MAP3K13: variants seen among roughly 807,000 people sequenced by gnomAD.
MAP3K13 encodes mitogen-activated protein kinase kinase kinase 13.
MAP3K13 carries 52 observed loss-of-function variants against 104.0 expected under a neutral mutation model. That is an observed-to-expected ratio of 0.50 (90% CI 0.40 to 0.63). The LOEUF is 0.63. Ranked by LOEUF, MAP3K13 falls within the 20% of genes least tolerant of loss-of-function variation. The pLI, the probability that MAP3K13 is intolerant of heterozygous loss-of-function variation, is 0.00. For synonymous variants in MAP3K13, 394 were observed against 442.2 expected (o/e 0.89, Z 1.37); for missense variants, 914 against 1,218.5 (o/e 0.75, Z 3.72).
chr3:185,395,353 A>ATGTCTTTTTTTTTTTT (rs1560083056), intron 1 of MAP3K13, among the ~76,000 whole-genome samples: 1 of 18,512 alleles, frequency 5.4e-5, no homozygotes, highest in African/African-American at 1.8e-4. Flanking sequence ...ATTCAATATT[A>ATGTCTTTTTTTTTTTT]TTTCTTTTTT....
chr3:185,391,385 T>G (rs1361929906), intron 1 of MAP3K13, among the ~76,000 whole-genome samples: 3 of 152,244 alleles, frequency 2.0e-5, no homozygotes, highest in Non-Finnish European at 4.4e-5. Flanking sequence ...TTATCCATAT[T>G]GTAGCATGTG....
intron 1 of MAP3K13, among the ~76,000 whole-genome samples, chr3:185,374,356 G>A (rs976987622): frequency 1.3e-5 from 2 of 152,152 alleles, no homozygotes; most frequent in Admixed American, 6.5e-5. Flanking sequence ...GTGCTGCTTC[G>A]AGCGGGATTA....
intron 2 of MAP3K13, chr3:185,291,902 C>CAAA: frequency 1.0e-6 from 1 of 961,604 alleles, no homozygotes; most frequent in Non-Finnish European, 1.2e-6. Flanking sequence ...ACAGTGCTTT[C>CAAA]CAAAAAAAAA....
Position 185,428,918 on chromosome 3 carries a change from A to G in MAP3K13, c.337A>G (p.Thr113Ala). 1 of 1,614,200 alleles carries G rather than the reference A, an allele frequency of 6.2e-7. No individual in the cohort carries two copies. The highest frequency in any genetic ancestry group is 8.5e-7 in the Non-Finnish European group (1 of 1,180,020). ...GGTGGACGGAGAGAGCACAAGCGGA[A>G]CTGAAGACATAAAGATTCAGTTCAG... is the stretch of plus-strand genomic sequence containing the variant. ...NTVDGESTSG[T>A]EDIKIQFSRS... Residue 113 changes from threonine (T) to alanine (A), a missense_variant, in exon 2 of 14, where the codon ACT (threonine) becomes GCT (alanine). Thr to Ala is a moderately conservative substitution (Grantham distance 58, BLOSUM62 0). Around this residue, in one of 3 missense-constraint regions of MAP3K13, gnomAD observed 156 missense variants for 159.8 expected, o/e 0.98. Coordinates refer to ENST00000265026, the MANE Select transcript of MAP3K13 (RefSeq NM_004721.5).
At chr3:185,416,064 T>C (rs1470648840) in intron 1 of MAP3K13, among the ~76,000 whole-genome samples, 1 of 152,216 alleles carries the variant, frequency 6.6e-6, no homozygotes, top group Non-Finnish European at 1.5e-5. Context: ...TTTGGGATTT[T>C]TGTCTCCTAT....
intron 5 of MAP3K13, among the ~76,000 whole-genome samples, chr3:185,449,014 A>G (rs778684956): frequency 1.3e-5 from 2 of 152,160 alleles, no homozygotes; most frequent in African/African-American, 2.4e-5. Flanking sequence ...TCAGTGTCAG[A>G]TTTTGAAAAT....
chr3:185,312,724 GGAT>G lies in MAP3K13; in HGVS notation c.-86+27085_-86+27087del, dbSNP rs1269629711. Among the ~76,000 whole-genome samples, 14 of 152,156 alleles carry G rather than the reference GGAT, an allele frequency of 9.2e-5. No homozygotes were observed. The East Asian group carries it at 2.7e-3, about 29-fold the overall frequency. On this transcript the variant is annotated intron_variant, in intron 2 of 14. Coordinates refer to the MAP3K13 transcript ENST00000424227. ...TAATTATATGCAAACTATCAGTGTG[GGAT>G]GATATTTTGAATAAAGTAGAAATAG...
chr3:185,358,010 T>G (rs1266227092), intron 2 of MAP3K13, among the ~76,000 whole-genome samples: 1 of 152,174 alleles, frequency 6.6e-6, no homozygotes, highest in African/African-American at 2.4e-5. Flanking sequence ...TCTTAAAAGT[T>G]TACAGATATG....
chr3:185,327,928 AAAGG>A (rs1318133313), intron 2 of MAP3K13, among the ~76,000 whole-genome samples: 1 of 147,166 alleles, frequency 6.8e-6, no homozygotes, highest in African/African-American at 2.5e-5. Context: ...GAAAGAAAAG[AAAGG>A]AAGGAAGGAA....
At chr3:185,373,633 C>A (rs894718287) in intron 1 of MAP3K13, among the ~76,000 whole-genome samples, 1 of 152,120 alleles carries the variant, frequency 6.6e-6, no homozygotes, top group African/African-American at 2.4e-5. Flanking sequence ...CAGAGAGAGC[C>A]TCCATTTCAA....
intron 1 of MAP3K13, chr3:185,417,669 C>A (rs1370733881): frequency 5.0e-6 from 8 of 1,612,480 alleles, no homozygotes; most frequent in African/African-American, 1.3e-5. Flanking sequence ...TGCCTGCAAC[C>A]GCCGCCTTTT....
At chr3:185,316,368 G>A (rs570508413) in intron 2 of MAP3K13, among the ~76,000 whole-genome samples, 1 of 152,004 alleles carries the variant, frequency 6.6e-6, no homozygotes, top group East Asian at 1.9e-4. Context: ...TGGCTGGGTG[G>A]GGTGGCTCAC....
At position 185,482,790 on chromosome 3, in the gene MAP3K13, TAGAG is replaced by T. The variant is rs1012496286; in HGVS notation, c.*338_*341del. ...TGCAAAGAGTGAACTATATATGAGATAGAGAGACAATAATTTCTTGCAAAAAAAA... is the reference window on the plus strand; with the variant it reads ...TGCAAAGAGTGAACTATATATGAGATAGACAATAATTTCTTGCAAAAAAAA... On this transcript the variant is annotated 3_prime_UTR_variant, in exon 14 of 14. Coordinates refer to ENST00000265026, the MANE Select transcript of MAP3K13 (RefSeq NM_004721.5). The surrounding 1 kb of genome is among the most constrained non-coding windows in gnomAD (Gnocchi z 4.5). The T allele has an allele frequency of 5.1e-5, 12 of 236,354 alleles. No individual in the cohort carries two copies. The highest frequency in any genetic ancestry group is 3.7e-4 in the South Asian group (2 of 5,440). 14.6% of individuals were successfully genotyped at this position (236,354 alleles called of 1,614,324 possible).
At chr3:185,433,376 T>C (rs1714854716) in intron 2 of MAP3K13, among the ~76,000 whole-genome samples, 1 of 152,166 alleles carries the variant, frequency 6.6e-6, no homozygotes, top group African/African-American at 2.4e-5. Context: ...CAACGAAAAG[T>C]TTGGGACTAA....
At chr3:185,366,994 C>T (rs1723920668) in intron 1 of MAP3K13, among the ~76,000 whole-genome samples, 1 of 152,080 alleles carries the variant, frequency 6.6e-6, no homozygotes, top group African/African-American at 2.4e-5. Flanking sequence ...TCTAAGTTGG[C>T]TTTGCCTGAC....
At chr3:185,432,316 G>T (rs968719674) in intron 2 of MAP3K13, among the ~76,000 whole-genome samples, 2 of 136,336 alleles carry the variant, frequency 1.5e-5, no homozygotes, top group Non-Finnish European at 3.2e-5. Context: ...TCAGCCTCCC[G>T]AGTAGCTGGG....
intron 10 of MAP3K13, among the ~76,000 whole-genome samples, chr3:185,472,107 C>A (rs1717829384): frequency 6.6e-6 from 1 of 151,596 alleles, no homozygotes; most frequent in Non-Finnish European, 1.5e-5. Context: ...CAGTTCTCTT[C>A]AATTAGGGCA....
intron 2 of MAP3K13, among the ~76,000 whole-genome samples, chr3:185,313,861 C>T (rs1008941112): frequency 6.6e-6 from 1 of 152,198 alleles, no homozygotes; most frequent in Non-Finnish European, 1.5e-5. Flanking sequence ...CCTCTGCACT[C>T]TAACCAAGGA....
intron 2 of MAP3K13, among the ~76,000 whole-genome samples, chr3:185,432,170 A>AAC (rs1443108756): frequency 6.6e-6 from 1 of 150,802 alleles, no homozygotes; most frequent in Non-Finnish European, 1.5e-5. Context: ...ATCCAGAGAT[A>AAC]ACCATTTCTA....
Sources: allele counts gnomAD v4.1 joint callset (sites outside exome capture counted in the v4.1 genomes callset), GRCh38; gene constraint gnomAD v4.1.1; regional missense constraint gnomAD v4.1.1; non-coding constraint Gnocchi (gnomAD v3.1); transcripts MANE v1.5; gene names NCBI Gene and HGNC (gene_info 2026-07-23, HGNC 2026-07-21).